RBM27: variants seen among roughly 807,000 people sequenced by gnomAD.
RBM27 encodes the protein RNA-binding protein 27.
Under a neutral mutation model 135.3 loss-of-function variants are expected in RBM27, and 22 were observed. The observed-to-expected ratio is 0.16, with a 90% CI of 0.12 to 0.23. The LOEUF (loss-of-function observed/expected upper bound fraction) is 0.23. Among genes scored for constraint, RBM27 ranks in the 10% least tolerant of loss-of-function variants. The probability of loss-of-function intolerance (pLI) is 1.00; values close to 1 mark genes in which losing one functional copy is unlikely to be tolerated. For missense variants in RBM27, 1,009 were observed against 1,281.0 expected (o/e 0.79, Z 3.24); for synonymous variants, 481 against 442.4 (o/e 1.09, Z -1.10).
At chr5:146,282,981 G>A (rs1759424770) in intron 19 of RBM27, among the ~76,000 whole-genome samples, 2 of 152,108 alleles carry the variant, frequency 1.3e-5, no homozygotes, top group Admixed American at 6.5e-5. Flanking sequence ...CTTTAATAAT[G>A]TATATGCAAT....
chr5:146,230,553 T>A (rs563614951), intron 5 of RBM27, 104 bp from the exon 6 acceptor site: 7 of 1,241,818 alleles, frequency 5.6e-6, no homozygotes, highest in African/African-American at 3.0e-5. Context: ...TAGATAAGTT[T>A]AATTCAACAT....
At chr5:146,258,650 A>G (rs2126842100) in intron 11 of RBM27, 57 bp downstream of exon 11, 1 of 1,352,648 alleles carries the variant, frequency 7.4e-7, no homozygotes, top group Non-Finnish European at 9.7e-7. Context: ...GCATTGGTAA[A>G]TTCATAAAAA....
chr5:146,233,380 A>G, intron 6 of RBM27, 70 bp from the exon 7 acceptor site: 2 of 1,475,814 alleles, frequency 1.4e-6, no homozygotes, highest in Non-Finnish European at 9.0e-7. Context: ...TTTTTCAGGG[A>G]CATGTTTTGT....
intron 1 of RBM27, among the ~76,000 whole-genome samples, chr5:146,210,987 G>T (rs1279654648): frequency 6.7e-6 from 1 of 149,748 alleles, no homozygotes; most frequent in Non-Finnish European, 1.5e-5. Flanking sequence ...AAATTGCCTA[G>T]TTGGCTGGGC....
chr5:146,271,813 T>C, intron 19 of RBM27, 139 bp downstream of exon 19: 1 of 676,722 alleles, frequency 1.5e-6, no homozygotes, highest in Non-Finnish European at 2.3e-6. Context: ...CAAATGCCTA[T>C]TTAATATATT....
At chr5:146,233,382 ATGTTTTGT>A in intron 6 of RBM27, 60 bp from the exon 7 acceptor site, 1 of 1,476,384 alleles carries the variant, frequency 6.8e-7, no homozygotes, top group Non-Finnish European at 9.0e-7. Context: ...TTTCAGGGAC[ATGTTTTGT>A]TGTTTTCTGA....
chr5:146,241,007 TC>T (rs1411367109), intron 8 of RBM27, among the ~76,000 whole-genome samples: 5 of 152,214 alleles, frequency 3.3e-5, no homozygotes, highest in Non-Finnish European at 5.9e-5. Flanking sequence ...GCCTCTTTTA[TC>T]TATTTCCCCC....
In RBM27 at chr5:146,251,888, A is replaced by G; in HGVS notation, c.1444+13A>G. ...CCTCTGGTTCCAGGTAAGCTTTGCT[A>G]CAGATGGCCATCCACCTCACTGATC... On this transcript the variant is annotated intron_variant, in intron 9 of 20. Transcript: ENST00000265271. 1.9e-6 allele frequency: 3 copies of G among 1,611,896 alleles called. No individual in the cohort carries two copies. The highest frequency in any genetic ancestry group is 2.5e-6 in the Non-Finnish European group (3 of 1,178,152).
intron 9 of RBM27, among the ~76,000 whole-genome samples, chr5:146,254,556 G>GA: frequency 6.7e-6 from 1 of 148,208 alleles, no homozygotes; most frequent in Non-Finnish European, 1.5e-5. Context: ...AAATATTCAG[G>GA]AAAAAAATAA....
rs759653279 is a variant in RBM27, at chr5:146,269,412, T to A, written c.2527-8T>A. 1.9e-6 allele frequency: 3 copies of A among 1,541,962 alleles called. No individual in the cohort carries two copies. Among genetic ancestry groups the A allele is most frequent in the Non-Finnish European group, 2.6e-6 (3 of 1,145,292 alleles). On this transcript the variant is annotated splice_region_variant and splice_polypyrimidine_tract_variant and intron_variant, in intron 16 of 20. Transcript: ENST00000265271. ...GCATGGTTTTACCTTTTTCTATTTA[T>A]TTCGTAGATGTTAATATCCAAGTTA...
chr5:146,256,193 T>A (rs934290958), intron 10 of RBM27, among the ~76,000 whole-genome samples: 4 of 150,608 alleles, frequency 2.7e-5, no homozygotes, highest in Non-Finnish European at 5.9e-5. Flanking sequence ...CCTAGCTTTA[T>A]TAATTCTTTT....
rs191448002 is a variant in RBM27, at chr5:146,259,286, C to T, written c.1739+693C>T. Among the ~76,000 whole-genome samples, 570 of 151,466 alleles carry T rather than the reference C, an allele frequency of 3.8e-3. 1 individual carries two copies. Among genetic ancestry groups the T allele is most frequent in the Admixed American group, 0.01 (154 of 15,250 alleles). Reference sequence around the variant, plus strand: ...ATCCCAGCTCTTTGGGAGGCCAAGGCGGGTGGATCACTTGAGGTCAGGAGT... The same window carrying T: ...ATCCCAGCTCTTTGGGAGGCCAAGGTGGGTGGATCACTTGAGGTCAGGAGT... On this transcript the variant is annotated intron_variant, in intron 11 of 20. Transcript: ENST00000265271.
intron 10 of RBM27, among the ~76,000 whole-genome samples, chr5:146,257,687 G>A (rs564646446): frequency 9.9e-5 from 15 of 152,250 alleles, no homozygotes; most frequent in Admixed American, 6.5e-4. Flanking sequence ...ATAATAATAT[G>A]TAATCCTTAT....
chr5:146,238,657 ATTTT>A (rs34275433), intron 8 of RBM27, among the ~76,000 whole-genome samples: 1 of 142,408 alleles, frequency 7.0e-6, no homozygotes, highest in Non-Finnish European at 1.5e-5. Flanking sequence ...AAATTAGAAG[ATTTT>A]TTTTTTTTTT....
At chr5:146,284,422 G>T (rs1759499020) in intron 19 of RBM27, among the ~76,000 whole-genome samples, 200 bp from the exon 20 acceptor site, 1 of 152,084 alleles carries the variant, frequency 6.6e-6, no homozygotes, top group Non-Finnish European at 1.5e-5. Flanking sequence ...TAAACCATGG[G>T]TTATCCTAGG....
At chr5:146,219,210 G>A in intron 2 of RBM27, 107 bp downstream of exon 2, 1 of 739,006 alleles carries the variant, frequency 1.4e-6, no homozygotes. Flanking sequence ...AGTAGTCAGA[G>A]TCCTTTGAAT....
chr5:146,208,549 G>T (rs1183162411), intron 1 of RBM27, among the ~76,000 whole-genome samples: 1 of 152,190 alleles, frequency 6.6e-6, no homozygotes, highest in Admixed American at 6.6e-5. Context: ...GAATAGACTA[G>T]ACTCAGTTCT....
intron 2 of RBM27, among the ~76,000 whole-genome samples, chr5:146,221,933 AT>A (rs781092550): frequency 8.5e-5 from 13 of 152,192 alleles, no homozygotes; most frequent in Non-Finnish European, 1.3e-4. Flanking sequence ...TATTGTTTTT[AT>A]TTTTATTTAT....
At chr5:146,269,375 A>G in intron 16 of RBM27, 45 bp from the exon 17 acceptor site, 1 of 1,490,494 alleles carries the variant, frequency 6.7e-7, no homozygotes, top group Non-Finnish European at 9.0e-7. Flanking sequence ...TCTTTATATT[A>G]AAGTTTATTA....
Sources: gnomAD v4.1 joint callset for allele counts (sites outside exome capture counted in the v4.1 genomes callset) on GRCh38, gnomAD v4.1.1 for gene constraint, MANE v1.5 for transcripts, NCBI Gene and HGNC (gene_info 2026-07-23, HGNC 2026-07-21) for gene names.